KATNIP: variants seen among roughly 807,000 people sequenced by gnomAD.
The protein encoded by KATNIP is katanin interacting protein, also known as katanin-interacting protein.
Under a neutral mutation model 174.0 loss-of-function variants are expected in KATNIP, and 126 were observed. That is an observed-to-expected ratio of 0.72 (90% confidence interval 0.63 to 0.84). The LOEUF is 0.84. Among genes scored for constraint, KATNIP ranks in the 40% least tolerant of loss-of-function variants. KATNIP has a pLI of 0.00. For missense variants in KATNIP, 1,958 were observed against 2,109.7 expected (o/e 0.93, Z 1.41); for synonymous variants, 810 against 835.7 (o/e 0.97, Z 0.53).
intron 13 of KATNIP, among the ~76,000 whole-genome samples, chr16:27,714,776 C>G (rs1260164902): frequency 3.9e-5 from 6 of 152,158 alleles, no homozygotes; most frequent in African/African-American, 7.2e-5. Flanking sequence ...ACTCTGAAAA[C>G]TACAAAACAT....
chr16:27,632,091 A>G (rs2076506040), intron 5 of KATNIP, among the ~76,000 whole-genome samples: 2 of 152,220 alleles, frequency 1.3e-5, no homozygotes, highest in South Asian at 4.1e-4. Context: ...TCAGTCTTAG[A>G]TCTTTTGCCC....
chr16:27,742,060 T>C (rs2143595332), intron 15 of KATNIP, among the ~76,000 whole-genome samples: 1 of 150,552 alleles, frequency 6.6e-6, no homozygotes, highest in South Asian at 2.1e-4. Context: ...GCACATCTGC[T>C]GGCAGGACTC....
rs74379479 is a variant in KATNIP, at chr16:27,659,104, A to G, written c.540+10369A>G. ...TGTATCCAAAATATTGACCATTAAT[A>G]TCAAAAAAAGACTGAATTATGTTCA... On this transcript the variant is annotated intron_variant, in intron 6 of 27. Transcript: ENST00000261588. Among the ~76,000 whole-genome samples the G allele has an allele frequency of 2.1e-3, 322 of 152,262 alleles. 4 individuals carry two copies. The highest frequency in any genetic ancestry group is 3.4e-3 in the Non-Finnish European group (230 of 68,018).
chr16:27,713,807 TAC>T (rs746060853), intron 13 of KATNIP, among the ~76,000 whole-genome samples: 5,552 of 47,020 alleles, frequency 0.12, 525 homozygotes, highest in African/African-American at 0.17. Context: ...TGTGTGTATA[TAC>T]ATATATATAT....
At chr16:27,589,576 C>T (rs1210845478) in intron 2 of KATNIP, among the ~76,000 whole-genome samples, 1 of 152,130 alleles carries the variant, frequency 6.6e-6, no homozygotes, top group Non-Finnish European at 1.5e-5. Context: ...TGAATTTACA[C>T]TTTACCCAAA....
chr16:27,658,208 C>T (rs2077359657), intron 6 of KATNIP, among the ~76,000 whole-genome samples: 1 of 152,166 alleles, frequency 6.6e-6, no homozygotes, highest in African/African-American at 2.4e-5. Context: ...TATAATTTGT[C>T]GCAATGTTTG....
chr16:27,579,117 A>G (rs1461930506), intron 2 of KATNIP, among the ~76,000 whole-genome samples: 5 of 152,222 alleles, frequency 3.3e-5, no homozygotes, highest in South Asian at 2.1e-4. Context: ...GCAGTGTTGG[A>G]AAAAAGGAGA....
chr16:27,553,057 T>C (rs2089458254), intron 1 of KATNIP, among the ~76,000 whole-genome samples: 1 of 152,238 alleles, frequency 6.6e-6, no homozygotes, highest in South Asian at 2.1e-4. Flanking sequence ...GGTGAACTTT[T>C]ATACTGTGTT....
rs571896260 is a variant in KATNIP, at chr16:27,690,502, G to C, written c.941-7826G>C. Reference sequence around the variant, plus strand: ...CACATTGCAGCGGTCCACATACAGGGGTGGGAGGAATTCGTGGCCACTTGT... The same window carrying C: ...CACATTGCAGCGGTCCACATACAGGCGTGGGAGGAATTCGTGGCCACTTGT... On this transcript the variant is annotated intron_variant, in intron 8 of 27. Coordinates refer to ENST00000261588, the MANE Select transcript of KATNIP (RefSeq NM_015202.5). Among the ~76,000 whole-genome samples, 21 of 152,300 alleles carry C rather than the reference G, an allele frequency of 1.4e-4. No homozygotes were observed. The South Asian group carries it at 4.1e-3, about 30-fold the overall frequency.
rs79672075 is a variant in KATNIP at position 27,646,901 on chromosome 16, C to T, written c.409-1703C>T. 3.5e-3 allele frequency among the ~76,000 whole-genome samples: 533 copies of T among 152,348 alleles called. 4 individuals are homozygous for T. The highest frequency in any genetic ancestry group is 0.012 in the African/African-American group (484 of 41,580). On this transcript the variant is annotated intron_variant, in intron 5 of 27. Transcript: ENST00000261588. The stretch of plus-strand genomic sequence containing the variant: ...TTGCTTTCCTCCCCCCAGCACCAGT[C>T]AGCTCACTCCCACCTCCCCATTGCA...
chr16:27,762,482 G>C (rs997030881), intron 19 of KATNIP, among the ~76,000 whole-genome samples: 2 of 152,126 alleles, frequency 1.3e-5, no homozygotes, highest in African/African-American at 4.8e-5. Flanking sequence ...ATATGCAGAG[G>C]CCACCTAGAC....
intron 14 of KATNIP, among the ~76,000 whole-genome samples, chr16:27,733,261 G>T (rs994984079): frequency 6.6e-6 from 1 of 152,130 alleles, no homozygotes; most frequent in African/African-American, 2.4e-5. Context: ...TCTACACTGG[G>T]GCCAGGGATG....
chr16:27,648,698 C>A lies in KATNIP; in HGVS notation c.503C>A (p.Thr168Asn). Residue 168 changes from threonine to asparagine, a missense_variant, in exon 6 of 28, where the codon ACT (threonine) becomes AAT (asparagine). Physicochemically the swap from Thr to Asn is moderately conservative, Grantham distance 65 (BLOSUM62 0). Around this residue, in one of 3 missense-constraint regions of KATNIP, gnomAD observed 1,557 missense variants for 1,617.8 expected, o/e 0.96. Coordinates refer to ENST00000261588, the MANE Select transcript of KATNIP (RefSeq NM_015202.5). Reference protein sequence around the residue: ...SDDFELCGDVTLQANNTSEDR... With the variant: ...SDDFELCGDVNLQANNTSEDR... Reference sequence around the variant, plus strand: ...GATTTTGAGCTGTGTGGGGATGTGACTCTCCAGGCAAACAACACTTCTGAG... The same window carrying A: ...GATTTTGAGCTGTGTGGGGATGTGAATCTCCAGGCAAACAACACTTCTGAG... The A allele has an allele frequency of 1.2e-6, 2 of 1,614,168 alleles. No homozygotes were observed. Among genetic ancestry groups the A allele is most frequent in the Non-Finnish European group, 1.7e-6 (2 of 1,180,024 alleles).
At chr16:27,704,147 G>A (rs1165277695) in intron 12 of KATNIP, 149 bp downstream of exon 12, 16 of 637,818 alleles carry the variant, frequency 2.5e-5, no homozygotes, top group East Asian at 1.9e-4. Flanking sequence ...GGCACACAGA[G>A]GTATATATGA....
At chr16:27,591,848 T>C (rs1371544407) in intron 2 of KATNIP, among the ~76,000 whole-genome samples, 1 of 152,028 alleles carries the variant, frequency 6.6e-6, no homozygotes, top group Non-Finnish European at 1.5e-5. Flanking sequence ...TCCTGAACTT[T>C]TCTTAAGCAC....
At chr16:27,772,204 C>T (rs777272852) in intron 22 of KATNIP, among the ~76,000 whole-genome samples, 1 of 152,242 alleles carries the variant, frequency 6.6e-6, no homozygotes, top group African/African-American at 2.4e-5. Context: ...CCCAGGAGTT[C>T]GAGGCTGCAG....
intron 4 of KATNIP, among the ~76,000 whole-genome samples, chr16:27,629,791 A>G (rs2076433765): frequency 6.6e-6 from 1 of 152,164 alleles, no homozygotes; most frequent in South Asian, 2.1e-4. Flanking sequence ...AGGTGGGCAG[A>G]TCGTTTGAGC....
chr16:27,566,026 T>G (rs1166694593), intron 1 of KATNIP, among the ~76,000 whole-genome samples: 2 of 151,530 alleles, frequency 1.3e-5, no homozygotes, highest in Non-Finnish European at 2.9e-5. Flanking sequence ...GCAGCTGTTT[T>G]TTTTTTTTTT....
chr16:27,648,878 C>A, intron 6 of KATNIP, 143 bp downstream of exon 6: 1 of 1,043,810 alleles, frequency 9.6e-7, no homozygotes, highest in Non-Finnish European at 1.4e-6. Flanking sequence ...GCGTTCATTT[C>A]ACACAGTTTG....
Sources: allele counts gnomAD v4.1 joint callset (sites outside exome capture counted in the v4.1 genomes callset), GRCh38; gene constraint gnomAD v4.1.1; regional missense constraint gnomAD v4.1.1; transcripts MANE v1.5; gene names NCBI Gene and HGNC (gene_info 2026-07-23, HGNC 2026-07-21).